PKHD1: variants seen among roughly 807,000 people sequenced by gnomAD.
PKHD1 encodes PKHD1 ciliary IPT domain containing fibrocystin/polyductin, also known as fibrocystin.
Under a neutral mutation model 412.0 loss-of-function variants are expected in PKHD1, and 291 were observed. The observed-to-expected ratio is 0.71, with a 90% confidence interval of 0.64 to 0.78. The LOEUF is 0.78. Among genes scored for constraint, PKHD1 ranks in the 30% least tolerant of loss-of-function variants. The probability of loss-of-function intolerance (pLI) is 0.00; values close to 1 mark genes in which losing one functional copy is unlikely to be tolerated. For missense variants in PKHD1, 4,825 were observed against 4,950.7 expected (o/e 0.97, Z 0.76); for synonymous variants, 1,777 against 1,821.5 (o/e 0.98, Z 0.62).
intron 15 of PKHD1, among the ~76,000 whole-genome samples, chr6:52,059,253 C>CTT (rs1282772885): frequency 2.0e-5 from 2 of 98,274 alleles, no homozygotes; most frequent in Non-Finnish European, 4.1e-5. Context: ...TTTTCTTTTT[C>CTT]TTTTTCTTTT....
chr6:51,973,238 C>A (rs1316565871), intron 35 of PKHD1, among the ~76,000 whole-genome samples: 1 of 152,132 alleles, frequency 6.6e-6, no homozygotes, highest in African/African-American at 2.4e-5. Flanking sequence ...ATATGCATTT[C>A]TTTTGCAGTA....
At chr6:51,672,855 C>T (rs1349252412) in intron 60 of PKHD1, among the ~76,000 whole-genome samples, 2 of 152,136 alleles carry the variant, frequency 1.3e-5, no homozygotes, top group African/African-American at 2.4e-5. Flanking sequence ...CTGAATTATT[C>T]CTTGAAAGTA....
intron 35 of PKHD1, among the ~76,000 whole-genome samples, chr6:51,971,559 TA>T (rs1441317756): frequency 2.6e-5 from 4 of 152,180 alleles, no homozygotes; most frequent in Admixed American, 6.5e-5. Context: ...AGATATACAG[TA>T]AATACCACAA....
At chr6:51,958,206 A>G (rs1238869324) in intron 36 of PKHD1, among the ~76,000 whole-genome samples, 1 of 151,950 alleles carries the variant, frequency 6.6e-6, no homozygotes, top group African/African-American at 2.4e-5. Context: ...TTAGCCTTAC[A>G]TCCTACCTAC....
At chr6:51,761,754 C>A (rs540297273) in intron 55 of PKHD1, among the ~76,000 whole-genome samples, 1 of 152,064 alleles carries the variant, frequency 6.6e-6, no homozygotes, top group African/African-American at 2.4e-5. Context: ...ATAAGTCAAT[C>A]ACTTGAGAAA....
intron 35 of PKHD1, among the ~76,000 whole-genome samples, chr6:52,000,470 T>C (rs1461813079): frequency 2.6e-5 from 4 of 152,236 alleles, no homozygotes; most frequent in Non-Finnish European, 2.9e-5. Flanking sequence ...TATGGTTTCA[T>C]TGAGAAAATT....
chr6:51,883,929 G>C (rs1266891359), intron 45 of PKHD1, among the ~76,000 whole-genome samples: 1 of 152,148 alleles, frequency 6.6e-6, no homozygotes, highest in Non-Finnish European at 1.5e-5. Context: ...TTGCCCTTCT[G>C]CTATAGACTG....
chr6:51,808,747 A>T (rs1002194794), intron 52 of PKHD1, among the ~76,000 whole-genome samples: 1 of 152,044 alleles, frequency 6.6e-6, no homozygotes, highest in African/African-American at 2.4e-5. Context: ...CAATTTTTAC[A>T]TTTGGATATT....
rs1785425314 is a variant in PKHD1, at chr6:51,747,856, G to C, written c.9760C>G (p.Gln3254Glu). The change falls in exon 58 of 67, where the codon CAG (glutamine) becomes GAG (glutamate). Residue 3254 changes from glutamine to glutamate, a missense_variant. By Grantham distance (29) the Gln-to-Glu change is conservative. Transcript: ENST00000371117. ...LWPVFTSEPN[Q>E]WPQEPWHKVR... is the part of the protein sequence containing the mutation. ...TTGTGCCATGGCTCCTGAGGCCACT[G>C]ATTTGGTTCTGAGGTGAATACAGGC... 6.2e-7 allele frequency: 1 copy of C among 1,613,546 alleles called. No individual in the cohort carries two copies. Among genetic ancestry groups the C allele is most frequent in the Non-Finnish European group, 8.5e-7 (1 of 1,179,664 alleles).
At chr6:52,081,723 G>T (rs185395802) in intron 4 of PKHD1, among the ~76,000 whole-genome samples, 3 of 152,306 alleles carry the variant, frequency 2.0e-5, no homozygotes, top group Admixed American at 2.0e-4. Flanking sequence ...TTTGTGGTAT[G>T]GTTGGTGATT....
intron 54 of PKHD1, 131 bp downstream of exon 54, chr6:51,775,677 A>G: frequency 3.3e-6 from 2 of 612,790 alleles, no homozygotes; most frequent in Non-Finnish European, 5.8e-6. Flanking sequence ...GTGAAATAAT[A>G]AATATAAATT....
chr6:51,997,845 A>C (rs1446348835), intron 35 of PKHD1, among the ~76,000 whole-genome samples: 2 of 152,196 alleles, frequency 1.3e-5, no homozygotes, highest in African/African-American at 4.8e-5. Flanking sequence ...ACCTTTCCTC[A>C]CTAAGTCCCA....
At chr6:51,812,793 T>C (rs1180997036) in intron 52 of PKHD1, among the ~76,000 whole-genome samples, 2 of 152,200 alleles carry the variant, frequency 1.3e-5, no homozygotes, top group East Asian at 3.8e-4. Flanking sequence ...AATGTCTGAA[T>C]AGGAAATGTT....
intron 36 of PKHD1, among the ~76,000 whole-genome samples, chr6:51,950,954 A>G (rs1407751382): frequency 1.3e-5 from 2 of 152,182 alleles, no homozygotes; most frequent in African/African-American, 2.4e-5. Flanking sequence ...AGAGATGACT[A>G]TAAGAGAATA....
Position 51,744,395 on chromosome 6 carries a change from GA to G in PKHD1, c.10145del (p.Phe3382SerfsTer18), listed in dbSNP as rs759439479. The stretch of plus-strand genomic sequence containing the variant: ...TCAGATATAGCTTACCTGCGTTGAA[GA>G]AGGATGCAGTCCATTCTGCCTCTGT... ...PKTEAEWTAS[F>X]FNAGTFREEQ... On this transcript the variant is annotated frameshift_variant, in exon 60 of 67. Transcript: ENST00000371117. LOFTEE classifies it high-confidence loss of function. 1.2e-6 allele frequency: 2 copies of G among 1,613,856 alleles called. No individual in the cohort carries two copies. The highest frequency in any genetic ancestry group is 1.7e-6 in the Non-Finnish European group (2 of 1,179,736).
intron 48 of PKHD1, among the ~76,000 whole-genome samples, chr6:51,867,422 C>T (rs1775253291): frequency 1.3e-5 from 2 of 152,034 alleles, no homozygotes. Flanking sequence ...GTGAAGCAAC[C>T]TTGCAAGTAA....
chr6:51,870,403 A>G (rs1775789993), intron 47 of PKHD1, 101 bp downstream of exon 47: 4 of 1,016,132 alleles, frequency 3.9e-6, no homozygotes, highest in Admixed American at 1.9e-5. Context: ...CAATCTTATA[A>G]CTGAAAGAGA....
At chr6:51,683,860 C>T (rs892285968) in intron 60 of PKHD1, among the ~76,000 whole-genome samples, 1 of 149,240 alleles carries the variant, frequency 6.7e-6, no homozygotes, top group Non-Finnish European at 1.5e-5. Context: ...ACGAGAGACA[C>T]AGTGTTTGCC....
chr6:52,068,417 A>C (rs1810074062), intron 11 of PKHD1, among the ~76,000 whole-genome samples: 1 of 152,204 alleles, frequency 6.6e-6, no homozygotes, highest in African/African-American at 2.4e-5. Context: ...GTTTGATAGC[A>C]ATGGGCAGGC....
Sources: gnomAD v4.1 joint callset for allele counts (sites outside exome capture counted in the v4.1 genomes callset) on GRCh38, gnomAD v4.1.1 for gene constraint, MANE v1.5 for transcripts, NCBI Gene and HGNC (gene_info 2026-07-23, HGNC 2026-07-21) for gene names.